MYT1L: variants seen among roughly 807,000 people sequenced by gnomAD.
The protein encoded by MYT1L is myelin transcription factor 1 like.
MYT1L carries 12 observed loss-of-function variants against 126.7 expected under a neutral mutation model. That is an observed-to-expected ratio of 0.09 (90% CI 0.06 to 0.15). The LOEUF (loss-of-function observed/expected upper bound fraction) is 0.15, where lower values mean the gene tolerates loss of function less well. Ranked by LOEUF, MYT1L falls within the 10% of genes least tolerant of loss-of-function variation. MYT1L has a pLI of 1.00. For missense variants in MYT1L, 979 were observed against 1,585.2 expected (o/e 0.62, Z 6.49); for synonymous variants, 541 against 604.2 (o/e 0.90, Z 1.53).
chr2:1,858,414 T>C (rs1436528770), intron 18 of MYT1L, among the ~76,000 whole-genome samples: 1 of 152,188 alleles, frequency 6.6e-6, no homozygotes. Flanking sequence ...ATCAAAAATA[T>C]TCAGAGAAAA....
intron 21 of MYT1L, among the ~76,000 whole-genome samples, chr2:1,830,060 G>A (rs1413796257): frequency 2.0e-5 from 3 of 152,222 alleles, no homozygotes; most frequent in African/African-American, 7.2e-5. Flanking sequence ...CACAGACATT[G>A]CAATGGAGCA....
chr2:2,040,681 G>C (rs759104074), intron 4 of MYT1L, among the ~76,000 whole-genome samples: 4 of 151,944 alleles, frequency 2.6e-5, no homozygotes, highest in Non-Finnish European at 5.9e-5. Context: ...GTGATATTTT[G>C]GAAAAAGCAT....
intron 13 of MYT1L, among the ~76,000 whole-genome samples, chr2:1,909,533 C>T (rs1262736193): frequency 6.6e-6 from 1 of 152,166 alleles, no homozygotes; most frequent in African/African-American, 2.4e-5. Context: ...GGATTTCAAA[C>T]AACACGTAAG....
intron 1 of MYT1L, among the ~76,000 whole-genome samples, chr2:2,293,615 T>C (rs568851003): frequency 6.6e-6 from 1 of 152,020 alleles, no homozygotes; most frequent in East Asian, 1.9e-4. Context: ...CCTGAGGAAG[T>C]AGTAACTGGT....
chr2:2,123,561 C>T (rs990482724), intron 3 of MYT1L, among the ~76,000 whole-genome samples: 2 of 152,164 alleles, frequency 1.3e-5, no homozygotes, highest in Admixed American at 1.3e-4. Flanking sequence ...TGGCAACTCT[C>T]CCTTTTCTCT....
intron 2 of MYT1L, among the ~76,000 whole-genome samples, chr2:2,270,672 T>A (rs2095245046): frequency 6.6e-6 from 1 of 152,028 alleles, no homozygotes; most frequent in African/African-American, 2.4e-5. Context: ...ATTCTTTAAG[T>A]GTGGCCATAA....
At position 2,316,784 on chromosome 2, in the gene MYT1L, C is replaced by T. The variant is rs951482582; in HGVS notation, c.-521+14183G>A. Among the ~76,000 whole-genome samples, 5 of 151,988 alleles carry T rather than the reference C, an allele frequency of 3.3e-5. No homozygotes were observed. In the East Asian group the frequency reaches 7.7e-4, roughly 23 times the overall value. On this transcript the variant is annotated intron_variant, in intron 1 of 24. Coordinates refer to ENST00000647738, the MANE Select transcript of MYT1L (RefSeq NM_001303052.2). ...TTACGTGTCTGAGTGTCACATGGTCCAGTGATTTTTCTTTTCTTTCCTTTT... is the reference window on the plus strand; with the variant it reads ...TTACGTGTCTGAGTGTCACATGGTCTAGTGATTTTTCTTTTCTTTCCTTTT...
intron 3 of MYT1L, among the ~76,000 whole-genome samples, chr2:2,159,216 A>G (rs1424405617): frequency 1.3e-5 from 2 of 152,126 alleles, no homozygotes; most frequent in African/African-American, 4.8e-5. Flanking sequence ...CTGTGCTAAA[A>G]AGGAAGGGAG....
At chr2:1,864,257 CAGAA>C (rs376204638) in intron 18 of MYT1L, among the ~76,000 whole-genome samples, 3 of 152,156 alleles carry the variant, frequency 2.0e-5, no homozygotes, top group African/African-American at 7.2e-5. Flanking sequence ...CCCCAACACG[CAGAA>C]AGAAAGCCCC....
At chr2:2,223,045 A>G (rs1329065988) in intron 2 of MYT1L, among the ~76,000 whole-genome samples, 1 of 152,198 alleles carries the variant, frequency 6.6e-6, no homozygotes, top group Non-Finnish European at 1.5e-5. Context: ...TAAGCCCCAC[A>G]TACTAAGCAA....
intron 3 of MYT1L, among the ~76,000 whole-genome samples, chr2:2,107,458 T>A (rs2078885221): frequency 6.6e-6 from 1 of 152,222 alleles, no homozygotes; most frequent in South Asian, 2.1e-4. Flanking sequence ...ACACTAGCTC[T>A]CTGACGCATT....
intron 2 of MYT1L, among the ~76,000 whole-genome samples, chr2:2,248,548 A>G (rs984788955): frequency 1.3e-5 from 2 of 152,184 alleles, no homozygotes; most frequent in African/African-American, 2.4e-5. Context: ...TTACCCTGAC[A>G]ACACCACCAA....
chr2:2,165,278 C>A (rs60800964), intron 3 of MYT1L, among the ~76,000 whole-genome samples: 1,579 of 151,550 alleles, frequency 0.01, 25 homozygotes, highest in African/African-American at 0.032. Flanking sequence ...GGGTGGGGTA[C>A]ACAAACCAAT....
chr2:2,246,164 C>A (rs2094531131), intron 2 of MYT1L, among the ~76,000 whole-genome samples: 1 of 152,092 alleles, frequency 6.6e-6, no homozygotes, highest in African/African-American at 2.4e-5. Flanking sequence ...TGTTTTCCTG[C>A]AACTGGAGTA....
chr2:1,943,032 T>TCATCCTCCACATCTTCTC lies in MYT1L; in HGVS notation c.437_454dup (p.Gly146_Asp151dup). The stretch of plus-strand genomic sequence containing the variant: ...CTCCTCCTCCTCCTCTTCCTCTTCT[T>TCATCCTCCACATCTTCTC]CATCCTCCACATCTTCTCCATCCTC... On this transcript the variant is annotated inframe_insertion, in exon 9 of 25. Transcript: ENST00000647738. The surrounding 1 kb of genome is among the most constrained non-coding windows in gnomAD (Gnocchi z 4.4). 4 of 1,511,968 alleles carry TCATCCTCCACATCTTCTC rather than the reference T, an allele frequency of 2.6e-6. No homozygotes were observed. In the South Asian group the frequency reaches 3.6e-5, roughly 14 times the overall value. 93.7% of individuals were successfully genotyped at this position (1,511,968 alleles called of 1,614,324 possible).
At chr2:2,085,934 C>G (rs1292626572) in intron 3 of MYT1L, among the ~76,000 whole-genome samples, 2 of 152,196 alleles carry the variant, frequency 1.3e-5, no homozygotes, top group Admixed American at 1.3e-4. Context: ...CCCAGCCCCT[C>G]CATAGGTGGG....
chr2:1,892,386 A>ACGCG (rs2049005386), intron 14 of MYT1L, 99 bp from the exon 15 acceptor site: 1 of 1,460,286 alleles, frequency 6.8e-7, no homozygotes, highest in African/African-American at 1.4e-5. Flanking sequence ...AGCCACACAC[A>ACGCG]GCCGCGTGGG....
intron 3 of MYT1L, among the ~76,000 whole-genome samples, chr2:2,055,647 C>T (rs1035769101): frequency 6.6e-6 from 1 of 152,054 alleles, no homozygotes; most frequent in African/African-American, 2.4e-5. Context: ...TTAAATAAAT[C>T]TTATAAACAA....
At chr2:1,975,979 T>C (rs2060146826) in intron 8 of MYT1L, among the ~76,000 whole-genome samples, 2 of 152,206 alleles carry the variant, frequency 1.3e-5, no homozygotes, top group South Asian at 4.1e-4. Flanking sequence ...AAGTTGTTTT[T>C]GGCAAGTTCC....
Sources: allele counts gnomAD v4.1 joint callset (sites outside exome capture counted in the v4.1 genomes callset), GRCh38; gene constraint gnomAD v4.1.1; non-coding constraint Gnocchi (gnomAD v3.1); transcripts MANE v1.5; gene names NCBI Gene and HGNC (gene_info 2026-07-23, HGNC 2026-07-21).